Variants in CENPI observed in about 807,000 individuals in gnomAD.
CENPI encodes the protein FSH primary response 1.
CENPI carries 4 observed loss-of-function variants against 60.4 expected under a neutral mutation model. The ratio of observed to expected loss-of-function variants is 0.07; its 90% CI spans 0.03 to 0.15. The LOEUF (loss-of-function observed/expected upper bound fraction) is 0.15, where lower values mean the gene tolerates loss of function less well. Among genes scored for constraint, CENPI ranks in the 10% least tolerant of loss-of-function variants. The pLI is 1.00. For missense variants in CENPI, 444 were observed against 534.5 expected, an observed-to-expected ratio of 0.83 and a Z score of 1.67; for synonymous variants, 157 against 189.4, an observed-to-expected ratio of 0.83 and a Z score of 1.40.
intron 6 of CENPI, among the ~76,000 whole-genome samples, chrX:101,113,789 C>G (rs746550031): frequency 8.9e-6 from 1 of 112,189 alleles, no homozygotes; most frequent in South Asian, 3.6e-4. Flanking sequence ...CTGAAAATGT[C>G]TCTACTTTGC....
intron 4 of CENPI, among the ~76,000 whole-genome samples, chrX:101,108,956 T>C (rs56759318): frequency 0.28 from 31,000 of 110,177 alleles, 3,347 homozygotes; most frequent in African/African-American, 0.36. Context: ...TATTGCCTTA[T>C]TGTATATTAG....
intron 20 of CENPI, among the ~76,000 whole-genome samples, chrX:101,151,483 T>A (rs1468325702): frequency 9.1e-6 from 1 of 110,217 alleles, no homozygotes; most frequent in African/African-American, 3.3e-5. Flanking sequence ...CTTGTTACTT[T>A]AAAAAAAAAT....
the CENPI span, among the ~76,000 whole-genome samples, chrX:101,177,768 G>A: frequency 1.8e-5 from 2 of 112,126 alleles, no homozygotes; most frequent in East Asian, 2.8e-4. Flanking sequence ...TCACTGCTGG[G>A]GGCAGCAGGA....
intron 20 of CENPI, among the ~76,000 whole-genome samples, chrX:101,150,661 T>A (rs1226847679): frequency 1.8e-5 from 2 of 110,832 alleles, no homozygotes; most frequent in African/African-American, 6.6e-5. Flanking sequence ...TGCGCCACTG[T>A]GCCTGGCTAC....
In CENPI at chrX:101,164,323, C is replaced by T. The variant is rs974215397; in HGVS notation, c.*1356C>T. ...ACAGTTGTGACCAATACAAAGTACC[C>T]GGGTTTTTGTTTTTGTTTTTGTTTT... On this transcript the variant is annotated 3_prime_UTR_variant, in exon 22 of 22. Transcript: ENST00000682095. 1.4e-4 allele frequency among the ~76,000 whole-genome samples: 15 copies of T among 110,615 alleles called. No individual in the cohort carries two copies. The highest frequency in any genetic ancestry group is 4.9e-4 in the African/African-American group (15 of 30,396).
At chrX:101,145,693 TG>T (rs1202675466) in intron 17 of CENPI, among the ~76,000 whole-genome samples, 1 of 108,099 alleles carries the variant, frequency 9.3e-6, no homozygotes, top group African/African-American at 3.3e-5. Flanking sequence ...CAGTTACTTT[TG>T]CACCAATTTA....
intron 8 of CENPI, among the ~76,000 whole-genome samples, chrX:101,122,356 A>G (rs920762490): frequency 8.0e-5 from 9 of 111,809 alleles, no homozygotes; most frequent in Non-Finnish European, 1.5e-4. Flanking sequence ...TGCTTCTCCA[A>G]TGTGAGGTCT....
chrX:101,134,849 C>T (rs1364731104), intron 15 of CENPI, among the ~76,000 whole-genome samples: 2 of 110,567 alleles, frequency 1.8e-5, no homozygotes, highest in Non-Finnish European at 3.8e-5. Flanking sequence ...CGTGGTGAAA[C>T]CCCATCTCTA....
chrX:101,139,944 C>T (rs1377107810), intron 15 of CENPI, among the ~76,000 whole-genome samples: 1 of 109,175 alleles, frequency 9.2e-6, no homozygotes, highest in African/African-American at 3.3e-5. Context: ...ACGTCATTCT[C>T]CTGCCTCAGC....
chrX:101,135,511 G>A (rs1429438764), intron 15 of CENPI, among the ~76,000 whole-genome samples: 2 of 112,148 alleles, frequency 1.8e-5, no homozygotes, highest in Admixed American at 9.5e-5. Flanking sequence ...CTTTTGTGTT[G>A]TGTTCAGAAA....
chrX:101,178,994 CTT>C, the CENPI span, among the ~76,000 whole-genome samples: 1 of 112,163 alleles, frequency 8.9e-6, no homozygotes, highest in Non-Finnish European at 1.9e-5. Flanking sequence ...CATTTTACTA[CTT>C]TTTCTTATTC....
At chrX:101,149,162 G>A (rs769788401) in intron 20 of CENPI, among the ~76,000 whole-genome samples, 6 of 112,020 alleles carry the variant, frequency 5.4e-5, no homozygotes, top group Admixed American at 1.9e-4. Flanking sequence ...AAAGTACAAA[G>A]ATGCAGAGCA....
chrX:101,148,312 C>A, intron 20 of CENPI, 151 bp downstream of exon 20: 2 of 466,072 alleles, frequency 4.3e-6, no homozygotes, highest in Admixed American at 4.3e-5. Flanking sequence ...TTGTGCTAGG[C>A]TCAGGGATTC....
chrX:101,143,062 T>G (rs1293690745), intron 16 of CENPI, among the ~76,000 whole-genome samples: 2 of 66,114 alleles, frequency 3.0e-5, no homozygotes, highest in East Asian at 7.7e-4. Flanking sequence ...AGAGTGAGAC[T>G]CCATCTCAAA....
chrX:101,168,673 C>T (rs73250674), downstream of CENPI, among the ~76,000 whole-genome samples: 167 of 111,982 alleles, frequency 1.5e-3, no homozygotes, highest in South Asian at 0.02. Context: ...TAAGGATGAC[C>T]CTTAGGAAGC....
intron 20 of CENPI, among the ~76,000 whole-genome samples, chrX:101,160,948 TAC>T (rs1015679069): frequency 9.0e-6 from 1 of 111,344 alleles, no homozygotes; most frequent in Admixed American, 9.6e-5. Flanking sequence ...TGTGAAAAAA[TAC>T]AGACATCCCA....
chrX:101,171,304 A>AT, the CENPI span, among the ~76,000 whole-genome samples: 25,927 of 110,454 alleles, frequency 0.23, 2,268 homozygotes, highest in South Asian at 0.32. Context: ...TTATAAAACA[A>AT]TTTTTTTTAA....
chrX:101,179,655 G>A, the CENPI span, among the ~76,000 whole-genome samples: 1 of 111,170 alleles, frequency 9.0e-6, no homozygotes, highest in African/African-American at 3.3e-5. Context: ...CAAGTAGCTG[G>A]GACTACAGGC....
At chrX:101,158,958 G>A (rs765732017) in intron 20 of CENPI, among the ~76,000 whole-genome samples, 4 of 111,298 alleles carry the variant, frequency 3.6e-5, no homozygotes, top group Admixed American at 9.5e-5. Context: ...CTTCTTTATG[G>A]AGTATGGGGT....
Sources: gnomAD v4.1 joint callset for allele counts (sites outside exome capture counted in the v4.1 genomes callset) on GRCh38, gnomAD v4.1.1 for gene constraint, MANE v1.5 for transcripts, NCBI Gene and HGNC (gene_info 2026-07-23, HGNC 2026-07-21) for gene names.